NCKAP5: variants seen among roughly 807,000 people sequenced by gnomAD.
The protein encoded by NCKAP5 is NCK associated protein 5.
Under a neutral mutation model 167.0 loss-of-function variants are expected in NCKAP5, and 92 were observed. That is an observed-to-expected ratio of 0.55 (90% CI 0.47 to 0.66). The LOEUF is 0.66. NCKAP5 is among the 30% of genes least tolerant of loss of function. The probability of loss-of-function intolerance (pLI) is 0.00; values close to 1 mark genes in which losing one functional copy is unlikely to be tolerated. For synonymous variants in NCKAP5, 891 were observed against 877.4 expected (o/e 1.02, Z -0.27); for missense variants, 2,378 against 2,315.0 (o/e 1.03, Z -0.56).
intron 4 of NCKAP5, among the ~76,000 whole-genome samples, chr2:133,275,859 G>A (rs2150436014): frequency 6.6e-6 from 1 of 150,856 alleles, no homozygotes; most frequent in African/African-American, 2.4e-5. Flanking sequence ...AAAAAATGAG[G>A]GAGGTGAATA....
chr2:133,270,098 T>A (rs751216919), intron 4 of NCKAP5, among the ~76,000 whole-genome samples: 11 of 152,230 alleles, frequency 7.2e-5, no homozygotes, highest in African/African-American at 1.2e-4. Flanking sequence ...ATAACTTACG[T>A]AAAGCTCTTA....
chr2:133,663,176 G>T, the NCKAP5 span, among the ~76,000 whole-genome samples: 3 of 151,250 alleles, frequency 2.0e-5, no homozygotes, highest in South Asian at 4.2e-4. Flanking sequence ...TGAGGCAGGA[G>T]AATGGCGTGA....
intron 5 of NCKAP5, among the ~76,000 whole-genome samples, chr2:133,142,368 A>C (rs1308552522): frequency 6.6e-6 from 1 of 152,152 alleles, no homozygotes; most frequent in Non-Finnish European, 1.5e-5. Context: ...TACTACTATT[A>C]ATAATAGAAT....
chr2:133,605,836 C>T, the NCKAP5 span, among the ~76,000 whole-genome samples: 1 of 152,134 alleles, frequency 6.6e-6, no homozygotes, highest in Non-Finnish European at 1.5e-5. Context: ...TACAGTAGCA[C>T]ATGTCTTACC....
intron 3 of NCKAP5, among the ~76,000 whole-genome samples, chr2:133,381,932 G>A (rs372318733): frequency 6.6e-6 from 1 of 152,162 alleles, no homozygotes; most frequent in Non-Finnish European, 1.5e-5. Flanking sequence ...GCCCACAAAG[G>A]GGAAAGCTCC....
At chr2:133,056,164 G>A (rs750409758) in intron 6 of NCKAP5, among the ~76,000 whole-genome samples, 2 of 152,092 alleles carry the variant, frequency 1.3e-5, no homozygotes, top group Non-Finnish European at 2.9e-5. Flanking sequence ...CAACTGAAAT[G>A]CTTGTTTCTT....
At chr2:132,918,415 T>G (rs182252388) in intron 8 of NCKAP5, among the ~76,000 whole-genome samples, 1 of 152,346 alleles carries the variant, frequency 6.6e-6, no homozygotes, top group East Asian at 1.9e-4. Flanking sequence ...GTTTCTCTCT[T>G]GCTAGAAAAG....
chr2:132,747,567 T>A (rs76413370), intron 16 of NCKAP5, among the ~76,000 whole-genome samples: 3,694 of 152,224 alleles, frequency 0.024, 157 homozygotes, highest in African/African-American at 0.084. Flanking sequence ...AGGGTGGGGA[T>A]CCCTGGTTTC....
At chr2:133,419,504 A>C (rs888882282) in intron 3 of NCKAP5, among the ~76,000 whole-genome samples, 2 of 152,226 alleles carry the variant, frequency 1.3e-5, no homozygotes, top group African/African-American at 4.8e-5. Flanking sequence ...ATGGAACATA[A>C]TTATAAGTAC....
intron 19 of NCKAP5, among the ~76,000 whole-genome samples, chr2:132,692,871 G>T (rs1397603332): frequency 6.6e-6 from 1 of 152,040 alleles, no homozygotes; most frequent in Non-Finnish European, 1.5e-5. Flanking sequence ...TCTTTCTCAG[G>T]CACTATTCCA....
At chr2:133,385,537 G>C (rs1185237679) in intron 3 of NCKAP5, among the ~76,000 whole-genome samples, 1 of 152,046 alleles carries the variant, frequency 6.6e-6, no homozygotes, top group African/African-American at 2.4e-5. Context: ...GCCAGGCCTG[G>C]GTATCAGGAT....
At chr2:133,143,314 C>T (rs574171107) in intron 5 of NCKAP5, among the ~76,000 whole-genome samples, 3 of 152,112 alleles carry the variant, frequency 2.0e-5, no homozygotes, top group Non-Finnish European at 2.9e-5. Context: ...AACTCATCCA[C>T]GTGCAAATAC....
At chr2:133,471,806 G>C (rs1356298408) in intron 3 of NCKAP5, among the ~76,000 whole-genome samples, 1 of 152,054 alleles carries the variant, frequency 6.6e-6, no homozygotes, top group Non-Finnish European at 1.5e-5. Context: ...CACCTCATCA[G>C]GGCTACCACT....
At position 132,723,235 on chromosome 2, in the gene NCKAP5, T is replaced by C. The variant is rs559533978; in HGVS notation, c.5713+2392A>G. 2.1e-5 allele frequency among the ~76,000 whole-genome samples: 3 copies of C among 140,076 alleles called. No individual in the cohort carries two copies. The South Asian group carries it at 7.4e-4, about 34-fold the overall frequency. The allele number at this position is 140,076 out of a possible 152,430, so 91.9% of individuals were successfully genotyped here. A position where few individuals can be genotyped will look rare whatever the true frequency, so the allele number is the denominator to read the frequency against. On this transcript the variant is annotated intron_variant, in intron 19 of 19. Transcript: ENST00000409261. The stretch of plus-strand genomic sequence containing the variant: ...ATCTCGGCTCACTGCAACCTCCACC[T>C]CCCAGGTTCATGCCATTCTCCTGCC...
intron 7 of NCKAP5, among the ~76,000 whole-genome samples, chr2:132,979,608 C>T (rs929507803): frequency 2.0e-4 from 31 of 152,224 alleles, no homozygotes; most frequent in African/African-American, 6.0e-4. Flanking sequence ...TGAATCTAGG[C>T]TGTTGGCCTC....
At chr2:133,395,268 C>T (rs528997429) in intron 3 of NCKAP5, among the ~76,000 whole-genome samples, 1 of 152,302 alleles carries the variant, frequency 6.6e-6, no homozygotes, top group South Asian at 2.1e-4. Flanking sequence ...ATGTAATTAA[C>T]TCAATGTCAT....
intron 4 of NCKAP5, among the ~76,000 whole-genome samples, chr2:133,238,644 G>A (rs2087537131): frequency 2.0e-5 from 3 of 152,162 alleles, no homozygotes; most frequent in Admixed American, 1.3e-4. Flanking sequence ...GCCCCAACTA[G>A]CTACATTCCA....
chr2:132,923,680 G>C (rs569240460), intron 8 of NCKAP5, among the ~76,000 whole-genome samples: 6 of 152,228 alleles, frequency 3.9e-5, no homozygotes, highest in African/African-American at 1.4e-4. Context: ...AGGATTAAAT[G>C]AAAATAAAAG....
chr2:132,950,255 C>T (rs1184103918), intron 8 of NCKAP5, among the ~76,000 whole-genome samples: 1 of 152,042 alleles, frequency 6.6e-6, no homozygotes, highest in African/African-American at 2.4e-5. Flanking sequence ...AGATAAATGT[C>T]TTTTTATATT....
Sources: allele counts gnomAD v4.1 joint callset (sites outside exome capture counted in the v4.1 genomes callset), GRCh38; gene constraint gnomAD v4.1.1; transcripts MANE v1.5; gene names NCBI Gene and HGNC (gene_info 2026-07-23, HGNC 2026-07-21).